KDM2B: variants seen among roughly 807,000 people sequenced by gnomAD.
The protein encoded by KDM2B is lysine demethylase 2B.
Under a neutral mutation model 150.0 loss-of-function variants are expected in KDM2B, and 26 were observed. That is an observed-to-expected ratio of 0.17 (90% CI 0.13 to 0.24). The LOEUF is 0.24. Ranked by LOEUF, KDM2B falls within the 10% of genes least tolerant of loss-of-function variation. The pLI, the probability that KDM2B is intolerant of heterozygous loss-of-function variation, is 1.00. For synonymous variants in KDM2B, 734 were observed against 729.5 expected, an observed-to-expected ratio of 1.01 and a Z score of -0.10; for missense variants, 1,265 against 1,816.9, an observed-to-expected ratio of 0.70 and a Z score of 5.52.
rs1331576339 is a variant in KDM2B, at chr12:121,513,879, G to A, written c.1048-477C>T. On this transcript the variant is annotated intron_variant, in intron 9 of 22. Coordinates refer to ENST00000377071, the MANE Select transcript of KDM2B (RefSeq NM_032590.5). The surrounding 1 kb of genome is among the most constrained non-coding windows in gnomAD (Gnocchi z 5.0). ...TCCAAGCCTTATCTATTTGCAGACAGGTTATGGAGCCTCCTCCTGTTTGTT... is the reference window on the plus strand; with the variant it reads ...TCCAAGCCTTATCTATTTGCAGACAAGTTATGGAGCCTCCTCCTGTTTGTT... Among the ~76,000 whole-genome samples, 4 of 152,174 alleles carry A rather than the reference G, an allele frequency of 2.6e-5. No individual in the cohort carries two copies. The highest frequency in any genetic ancestry group is 9.7e-5 in the African/African-American group (4 of 41,446).
chr12:121,459,511 A>G (rs1445154609), intron 12 of KDM2B, among the ~76,000 whole-genome samples: 3 of 152,176 alleles, frequency 2.0e-5, no homozygotes, highest in Non-Finnish European at 4.4e-5. Flanking sequence ...AGGTGTCAAA[A>G]AAAAGATAAA....
At position 121,441,175 on chromosome 12, in the gene KDM2B, G is replaced by C. The variant is rs1157688253; in HGVS notation, c.3343C>G (p.Pro1115Ala). The C allele has an allele frequency of 4.3e-6, 7 of 1,614,092 alleles. No homozygotes were observed. Among genetic ancestry groups the C allele is most frequent in the Non-Finnish European group, 4.2e-6 (5 of 1,180,034 alleles). ...CGGATGATGCCACTCAGCATCAGGG[G>C]TGTGATAGACTTGCAGTGGTTCAGG... ...IDLNHCKSIT[P>A]LMLSGIIRRQ... The change falls in exon 20 of 23, where the codon CCC becomes GCC. Residue 1115 changes from proline to alanine, a missense_variant. This residue lies in a region of KDM2B where 251 missense variants were observed against 397.8 expected (regional missense o/e 0.63). Coordinates refer to ENST00000377071, the MANE Select transcript of KDM2B (RefSeq NM_032590.5).
At chr12:121,457,650 C>G (rs1359121200) in intron 12 of KDM2B, among the ~76,000 whole-genome samples, 1 of 151,942 alleles carries the variant, frequency 6.6e-6, no homozygotes, top group African/African-American at 2.4e-5. Flanking sequence ...TACGAACCAG[C>G]ATCCCCAACA....
chr12:121,417,813 T>G, the KDM2B span: 1 of 1,614,142 alleles, frequency 6.2e-7, no homozygotes, highest in Non-Finnish European at 8.5e-7. This position sits in a 1 kb window ranked among gnomAD's most constrained non-coding sequence, Gnocchi z 5.0. Context: ...TACACGTTCG[T>G]TTTTTTCAAA....
chr12:121,422,322 G>C, the KDM2B span, among the ~76,000 whole-genome samples: 1 of 152,156 alleles, frequency 6.6e-6, no homozygotes, highest in Non-Finnish European at 1.5e-5. Flanking sequence ...TCACTACCAA[G>C]ATTGTTCCCA....
chr12:121,440,696 G>A (rs1316524008), intron 21 of KDM2B, 120 bp downstream of exon 21: 10 of 993,764 alleles, frequency 1.0e-5, no homozygotes, highest in Non-Finnish European at 1.3e-5. Flanking sequence ...CTGAGAACAT[G>A]GCAGCAGAGA....
chr12:121,442,275 G>A lies in KDM2B; in HGVS notation c.3166C>T (p.Pro1056Ser), dbSNP rs1555288523. 1 of 1,612,512 alleles carries A rather than the reference G, an allele frequency of 6.2e-7. No homozygotes were observed. Reference sequence around the variant, plus strand: ...ACGTGGGCTGCCCCATCGTCCAGGGGTAGCGAGTCAGGCGGGGGGCTGATG... The same window carrying A: ...ACGTGGGCTGCCCCATCGTCCAGGGATAGCGAGTCAGGCGGGGGGCTGATG... ...PPISPPPDSL[P>S]LDDGAAHVMH... Residue 1056 changes from proline to serine, a missense_variant, in exon 19 of 23, where the codon CCC becomes TCC. By Grantham distance (74) the Pro-to-Ser change is moderately conservative. Coordinates refer to ENST00000377071, the MANE Select transcript of KDM2B (RefSeq NM_032590.5). This position sits in a 1 kb window ranked among gnomAD's most constrained non-coding sequence, Gnocchi z 7.7.
intron 22 of KDM2B, among the ~76,000 whole-genome samples, chr12:121,439,240 T>G (rs1874548666): frequency 6.6e-6 from 1 of 152,132 alleles, no homozygotes; most frequent in Non-Finnish European, 1.5e-5. Context: ...ACACCCTGGT[T>G]GTCAGGCACC....
At chr12:121,502,305 G>A (rs533636463) in intron 11 of KDM2B, among the ~76,000 whole-genome samples, 3 of 152,230 alleles carry the variant, frequency 2.0e-5, no homozygotes, top group Non-Finnish European at 4.4e-5. Context: ...ACAGGGATTC[G>A]GTCTAATGCA....
the KDM2B span, chr12:121,417,745 AGGACGACATGGACACAAGCAGTCT>A: frequency 1.2e-6 from 2 of 1,614,218 alleles, no homozygotes; most frequent in East Asian, 4.5e-5. This position sits in a 1 kb window ranked among gnomAD's most constrained non-coding sequence, Gnocchi z 5.0. Context: ...CTAGGCTCTG[AGGACGACATGGACACAAGCAGTCT>A]GAATTCTTCA....
chr12:121,535,062 G>A lies in KDM2B; in HGVS notation c.684-472C>T, dbSNP rs376178032. Among the ~76,000 whole-genome samples the A allele has an allele frequency of 2.6e-5, 4 of 152,110 alleles. No individual in the cohort carries two copies. The East Asian group carries it at 5.8e-4, about 22-fold the overall frequency. On this transcript the variant is annotated intron_variant, in intron 6 of 22. Coordinates refer to ENST00000377071, the MANE Select transcript of KDM2B (RefSeq NM_032590.5). ...CACCTGCACAGCTTGCCAATTACCA[G>A]TCCCCATTCATCTCCTCATTCATTC...
At position 121,521,680 on chromosome 12, in the gene KDM2B, C is replaced by T. The variant is rs1253732296; in HGVS notation, c.932-580G>A. On this transcript the variant is annotated intron_variant, in intron 8 of 22. Coordinates refer to ENST00000377071, the MANE Select transcript of KDM2B (RefSeq NM_032590.5). This position sits in a 1 kb window ranked among gnomAD's most constrained non-coding sequence, Gnocchi z 4.9. Reference sequence around the variant, plus strand: ...TTGGTCACACAACGCCTGCATGCCCCCCTCAGCTCTGCCCTCCACTCTGCC... The same window carrying T: ...TTGGTCACACAACGCCTGCATGCCCTCCTCAGCTCTGCCCTCCACTCTGCC... Among the ~76,000 whole-genome samples the T allele has an allele frequency of 1.3e-5, 2 of 152,192 alleles. No individual in the cohort carries two copies. Among genetic ancestry groups the T allele is most frequent in the African/African-American group, 4.8e-5 (2 of 41,448 alleles).
Position 121,483,678 on chromosome 12 carries a change from G to GA in KDM2B, c.1734+10900dup, listed in dbSNP as rs1260270166. 2.0e-5 allele frequency among the ~76,000 whole-genome samples: 3 copies of GA among 148,556 alleles called. No individual in the cohort carries two copies. In the South Asian group the frequency reaches 6.4e-4, roughly 32 times the overall value. On this transcript the variant is annotated intron_variant, in intron 12 of 22. Coordinates refer to ENST00000377071, the MANE Select transcript of KDM2B (RefSeq NM_032590.5). ...GGTGACAGAGTGAGACCCTATCTCA[G>GA]AAAAAAAACAAAAACAACAAAAAAA...
the KDM2B span, among the ~76,000 whole-genome samples, chr12:121,415,081 AG>A: frequency 7.6e-6 from 1 of 131,172 alleles, no homozygotes; most frequent in African/African-American, 2.5e-5. Flanking sequence ...GGGCAACAAG[AG>A]TGAAGTTCCA....
At chr12:121,454,859 C>T (rs1877974503) in intron 12 of KDM2B, among the ~76,000 whole-genome samples, 1 of 152,130 alleles carries the variant, frequency 6.6e-6, no homozygotes, top group Non-Finnish European at 1.5e-5. Flanking sequence ...TTCATACACT[C>T]CAATGGAGAA....
intron 12 of KDM2B, among the ~76,000 whole-genome samples, chr12:121,480,819 C>T (rs1882028992): frequency 6.6e-6 from 1 of 151,968 alleles, no homozygotes; most frequent in Non-Finnish European, 1.5e-5. Flanking sequence ...CATGCTGGCC[C>T]CACACCCGGC....
At chr12:121,412,724 C>CTTTTT in the KDM2B span, among the ~76,000 whole-genome samples, 2 of 121,916 alleles carry the variant, frequency 1.6e-5, no homozygotes, top group Non-Finnish European at 3.5e-5. Context: ...GATGTTCATG[C>CTTTTT]TTTTTTTTTT....
chr12:121,549,659 C>G lies in KDM2B; in HGVS notation c.398-21G>C. On this transcript the variant is annotated intron_variant, in intron 4 of 22. Coordinates refer to ENST00000377071, the MANE Select transcript of KDM2B (RefSeq NM_032590.5). The surrounding 1 kb of genome is among the most constrained non-coding windows in gnomAD (Gnocchi z 4.4). Reference sequence around the variant, plus strand: ...GCTCCCTGGAGGCAGAAGCCACACACTGGTTGTTCCTGCCGGCTTAAGGCT... The same window carrying G: ...GCTCCCTGGAGGCAGAAGCCACACAGTGGTTGTTCCTGCCGGCTTAAGGCT... 1 of 1,539,890 alleles carries G rather than the reference C, an allele frequency of 6.5e-7. No individual in the cohort carries two copies. Among genetic ancestry groups the G allele is most frequent in the Non-Finnish European group, 8.8e-7 (1 of 1,135,588 alleles).
At chr12:121,449,491 A>T (rs1876862504) in intron 13 of KDM2B, among the ~76,000 whole-genome samples, 1 of 152,072 alleles carries the variant, frequency 6.6e-6, no homozygotes, top group Non-Finnish European at 1.5e-5. Context: ...ACGTAGAAAA[A>T]TGGGGTTTCC....
Sources: gnomAD v4.1 joint callset for allele counts (sites outside exome capture counted in the v4.1 genomes callset) on GRCh38, gnomAD v4.1.1 for gene constraint, gnomAD v4.1.1 regional missense constraint, Gnocchi (gnomAD v3.1) non-coding constraint, MANE v1.5 for transcripts, NCBI Gene and HGNC (gene_info 2026-07-23, HGNC 2026-07-21) for gene names.